ANGPT2: variants seen among roughly 807,000 people sequenced by gnomAD.
ANGPT2 encodes angiopoietin 2.
ANGPT2 carries 28 observed loss-of-function variants against 62.9 expected under a neutral mutation model. That is an observed-to-expected ratio of 0.44 (90% confidence interval 0.33 to 0.61). The LOEUF (loss-of-function observed/expected upper bound fraction) is 0.61, where lower values mean the gene tolerates loss of function less well. ANGPT2 is among the 20% of genes least tolerant of loss of function. The probability of loss-of-function intolerance (pLI) is 0.03; values close to 1 mark genes in which losing one functional copy is unlikely to be tolerated. For synonymous variants in ANGPT2, 284 were observed against 207.8 expected, an observed-to-expected ratio of 1.37 and a Z score of -3.15; for missense variants, 727 against 594.9, an observed-to-expected ratio of 1.22 and a Z score of -2.31.
chr8:6,553,145 C>T (rs1823959197), intron 1 of ANGPT2, among the ~76,000 whole-genome samples: 2 of 152,094 alleles, frequency 1.3e-5, no homozygotes, highest in Non-Finnish European at 1.5e-5. Flanking sequence ...GTAACCAGTG[C>T]ACCACTCTGG....
At chr8:6,523,825 G>C (rs530614261) in intron 3 of ANGPT2, among the ~76,000 whole-genome samples, 8 of 151,394 alleles carry the variant, frequency 5.3e-5, no homozygotes, top group Admixed American at 6.6e-5. Context: ...CTGACTTCCT[G>C]ATTCGTCCAC....
At chr8:6,554,735 C>T (rs1824287492) in intron 1 of ANGPT2, among the ~76,000 whole-genome samples, 1 of 152,056 alleles carries the variant, frequency 6.6e-6, no homozygotes, top group Non-Finnish European at 1.5e-5. Context: ...AAAGTAATTA[C>T]CATCAGAGGA....
At chr8:6,506,497 A>T (rs1352089308) in intron 8 of ANGPT2, among the ~76,000 whole-genome samples, 2 of 152,188 alleles carry the variant, frequency 1.3e-5, no homozygotes, top group Non-Finnish European at 2.9e-5. Context: ...CTCAGCACAT[A>T]CGGGTGGTCT....
At chr8:6,519,314 G>T (rs1398183147) in intron 5 of ANGPT2, among the ~76,000 whole-genome samples, 1 of 152,162 alleles carries the variant, frequency 6.6e-6, no homozygotes, top group Non-Finnish European at 1.5e-5. Flanking sequence ...CGTTTGCTCA[G>T]ATAGAGCAAA....
chr8:6,522,208 C>T (rs188593205), intron 3 of ANGPT2, among the ~76,000 whole-genome samples: 131 of 152,008 alleles, frequency 8.6e-4, no homozygotes, highest in African/African-American at 2.8e-3. Context: ...ACAAAAAATT[C>T]TCCAGGCGTG....
chr8:6,521,556 T>C (rs1319021993), intron 3 of ANGPT2, 146 bp from the exon 4 acceptor site: 1 of 636,212 alleles, frequency 1.6e-6, no homozygotes. Flanking sequence ...CTAAGGAATC[T>C]CTGAAACTTG....
At chr8:6,541,390 C>T (rs1300492831) in intron 1 of ANGPT2, among the ~76,000 whole-genome samples, 3 of 152,134 alleles carry the variant, frequency 2.0e-5, no homozygotes, top group Non-Finnish European at 4.4e-5. Flanking sequence ...TTATAGCCCC[C>T]AGTCAGCAGC....
chr8:6,523,189 G>A (rs1299543867), intron 3 of ANGPT2, among the ~76,000 whole-genome samples: 1 of 152,034 alleles, frequency 6.6e-6, no homozygotes, highest in Non-Finnish European at 1.5e-5. Context: ...AGTAGAGATG[G>A]GCTTTTACCG....
intron 8 of ANGPT2, among the ~76,000 whole-genome samples, chr8:6,506,712 G>A (rs1813795512): frequency 6.6e-6 from 1 of 151,442 alleles, no homozygotes; most frequent in African/African-American, 2.4e-5. Flanking sequence ...GTGTAATAAT[G>A]GTGTAACATA....
chr8:6,506,986 C>G (rs892163386), intron 8 of ANGPT2, among the ~76,000 whole-genome samples: 15 of 151,682 alleles, frequency 9.9e-5, no homozygotes, highest in African/African-American at 3.6e-4. Flanking sequence ...CAAACTCTGT[C>G]TCCCCGGTTC....
intron 1 of ANGPT2, among the ~76,000 whole-genome samples, chr8:6,539,903 G>C (rs1004270611): frequency 6.6e-6 from 1 of 152,188 alleles, no homozygotes; most frequent in Non-Finnish European, 1.5e-5. Context: ...TAATTTATGA[G>C]TGACTATCTG....
chr8:6,521,403 C>T lies in ANGPT2; in HGVS notation c.574G>A (p.Glu192Lys), dbSNP rs750688257. The T allele has an allele frequency of 1.9e-6, 3 of 1,607,740 alleles. No homozygotes were observed. The highest frequency in any genetic ancestry group is 2.5e-6 in the Non-Finnish European group (3 of 1,177,572). Residue 192 changes from glutamate to lysine, a missense_variant, in exon 4 of 9, where the codon GAA (glutamate) becomes AAA (lysine). Transcript: ENST00000629816. Reference protein sequence around the residue: ...NKLQDKNSFLEKKVLAMEDKH... With the variant: ...NKLQDKNSFLKKKVLAMEDKH... Reference sequence around the variant, plus strand: ...TCTTCCATAGCTAGCACCTTCTTTTCTAGGAAACTTGTAAGGAAAAGAATT... The same window carrying T: ...TCTTCCATAGCTAGCACCTTCTTTTTTAGGAAACTTGTAAGGAAAAGAATT...
intron 8 of ANGPT2, chr8:6,508,591 T>G (rs1814272164): frequency 2.2e-6 from 1 of 450,986 alleles, no homozygotes; most frequent in South Asian, 5.0e-5. Flanking sequence ...AATTTTTAAC[T>G]TTTTACATAA....
At chr8:6,530,294 G>A (rs948810821) in intron 2 of ANGPT2, among the ~76,000 whole-genome samples, 1 of 152,118 alleles carries the variant, frequency 6.6e-6, no homozygotes, top group Non-Finnish European at 1.5e-5. Flanking sequence ...GATCACCTGA[G>A]GTCAGGAGTT....
In ANGPT2 at chr8:6,500,676, A is replaced by G. The variant is rs1811987057; in HGVS notation, c.*2425T>C. 1 of 152,184 alleles carries G rather than the reference A, an allele frequency of 6.6e-6. No homozygotes were observed. Among genetic ancestry groups the G allele is most frequent in the African/African-American group, 2.4e-5 (1 of 41,432 alleles). The allele number at this position is 152,184 out of a possible 1,614,324, so 9.4% of individuals were successfully genotyped here. A position where few individuals can be genotyped will look rare whatever the true frequency, so the allele number is the denominator to read the frequency against. ...TTGTTTTGTTTTCATTTTTAAGATTACTGTTTGATTTCCTTTCAGCTTTAT... is the reference window on the plus strand; with the variant it reads ...TTGTTTTGTTTTCATTTTTAAGATTGCTGTTTGATTTCCTTTCAGCTTTAT... On this transcript the variant is annotated 3_prime_UTR_variant, in exon 9 of 9. Coordinates refer to ENST00000629816, the MANE Select transcript of ANGPT2 (RefSeq NM_001118887.2).
rs1812066076 is a variant in ANGPT2 at position 6,500,992 on chromosome 8, G to C, written c.*2109C>G. 6.6e-6 allele frequency: 1 copy of C among 152,130 alleles called. No homozygotes were observed. The highest frequency in any genetic ancestry group is 1.5e-5 in the Non-Finnish European group (1 of 68,020). 9.4% of individuals were successfully genotyped at this position (152,130 alleles called of 1,614,324 possible). A position where few individuals can be genotyped will look rare whatever the true frequency, so the allele number is the denominator to read the frequency against. On this transcript the variant is annotated 3_prime_UTR_variant, in exon 9 of 9. Transcript: ENST00000629816. ...TGAGATATCCTAGAAACTTGTTGTT[G>C]TCTTTCGAGGCTGTGAAATTTTCTT...
At position 6,502,059 on chromosome 8, in the gene ANGPT2, C is replaced by G. The variant is rs969023166; in HGVS notation, c.*1042G>C. ...TAAATTTCTTAAATAGAAGGCTTTT[C>G]TCAACCAGAAATTAAATTGTAGTCT... On this transcript the variant is annotated 3_prime_UTR_variant, in exon 9 of 9. Coordinates refer to ENST00000629816, the MANE Select transcript of ANGPT2 (RefSeq NM_001118887.2). 2.1e-4 allele frequency: 31 copies of G among 151,162 alleles called. No individual in the cohort carries two copies. The highest frequency in any genetic ancestry group is 7.5e-4 in the African/African-American group (31 of 41,084). 9.4% of individuals were successfully genotyped at this position (151,162 alleles called of 1,614,324 possible).
chr8:6,514,647 C>G, intron 6 of ANGPT2, 30 bp downstream of exon 6: 2 of 1,593,374 alleles, frequency 1.3e-6, no homozygotes, highest in Non-Finnish European at 1.7e-6. Context: ...AAGGGAAATT[C>G]TTTTCTGATG....
chr8:6,557,349 T>G (rs951783376), intron 1 of ANGPT2, among the ~76,000 whole-genome samples: 1 of 152,126 alleles, frequency 6.6e-6, no homozygotes, highest in African/African-American at 2.4e-5. Flanking sequence ...ACTAGAGATA[T>G]TCTCGGGGCA....
Sources: allele counts gnomAD v4.1 joint callset (sites outside exome capture counted in the v4.1 genomes callset), GRCh38; gene constraint gnomAD v4.1.1; transcripts MANE v1.5; gene names NCBI Gene and HGNC (gene_info 2026-07-23, HGNC 2026-07-21).